LAMA3: variants seen among roughly 807,000 people sequenced by gnomAD.
The protein encoded by LAMA3 is laminin subunit alpha-3.
In LAMA3, 281 loss-of-function variants were observed where a neutral mutation model predicts 402.0. That is an observed-to-expected ratio of 0.70 (90% CI 0.63 to 0.77). The LOEUF (loss-of-function observed/expected upper bound fraction) is 0.77, where lower values mean the gene tolerates loss of function less well. Among genes scored for constraint, LAMA3 ranks in the 30% least tolerant of loss-of-function variants. The pLI is 0.00. For missense variants in LAMA3, 3,840 were observed against 4,215.5 expected (o/e 0.91, Z 2.47); for synonymous variants, 1,431 against 1,558.4 (o/e 0.92, Z 1.93).
intron 12 of LAMA3, among the ~76,000 whole-genome samples, chr18:23,803,048 C>A (rs550354034): frequency 6.6e-6 from 1 of 152,120 alleles, no homozygotes; most frequent in African/African-American, 2.4e-5. Flanking sequence ...TGTTGTGAAG[C>A]GAGTTCTTTG....
chr18:23,786,570 C>T (rs1254384355), intron 12 of LAMA3, among the ~76,000 whole-genome samples: 1 of 152,180 alleles, frequency 6.6e-6, no homozygotes, highest in Non-Finnish European at 1.5e-5. Context: ...GCCACCTCCA[C>T]CTGTGTCCAC....
intron 25 of LAMA3, 101 bp downstream of exon 25, chr18:23,837,190 A>G (rs937662344): frequency 1.3e-6 from 1 of 762,970 alleles, no homozygotes; most frequent in African/African-American, 1.7e-5. Flanking sequence ...TTACTCCTAT[A>G]ATCTGTGAAG....
intron 44 of LAMA3, chr18:23,898,307 C>A (rs1187325933): frequency 5.5e-6 from 1 of 182,356 alleles, no homozygotes; most frequent in Non-Finnish European, 1.2e-5. Flanking sequence ...TCTGAGTTCC[C>A]TGTGGTTCTG....
intron 12 of LAMA3, 89 bp from the exon 13 acceptor site, chr18:23,810,277 T>A: frequency 6.6e-7 from 1 of 1,510,278 alleles, no homozygotes; most frequent in Non-Finnish European, 9.2e-7. Context: ...TCTTTCTGGC[T>A]CCACCCTCAT....
intron 12 of LAMA3, among the ~76,000 whole-genome samples, chr18:23,790,932 A>G (rs1380707422): frequency 6.6e-6 from 1 of 151,004 alleles, no homozygotes; most frequent in Non-Finnish European, 1.5e-5. Flanking sequence ...TCTGTCACCC[A>G]GGCTGGAGTG....
At chr18:23,758,139 A>G (rs1164318223) in intron 6 of LAMA3, among the ~76,000 whole-genome samples, 1 of 152,218 alleles carries the variant, frequency 6.6e-6, no homozygotes, top group African/African-American at 2.4e-5. Flanking sequence ...CTGGCTCTCC[A>G]TTTATCACTG....
chr18:23,761,996 C>T (rs1302894334), intron 7 of LAMA3, among the ~76,000 whole-genome samples: 6 of 152,046 alleles, frequency 3.9e-5, no homozygotes, highest in Non-Finnish European at 5.9e-5. Context: ...GCAGGAGGAT[C>T]GCTTGAGCCC....
chr18:23,935,398 G>T (rs910605260), intron 67 of LAMA3, among the ~76,000 whole-genome samples: 1 of 152,256 alleles, frequency 6.6e-6, no homozygotes, highest in Non-Finnish European at 1.5e-5. Flanking sequence ...AGCAGATAGG[G>T]TGGGACTGGG....
At chr18:23,692,002 G>A (rs2060597271) in intron 1 of LAMA3, among the ~76,000 whole-genome samples, 2 of 152,334 alleles carry the variant, frequency 1.3e-5, no homozygotes, top group South Asian at 4.1e-4. Context: ...AAGTGGAAAT[G>A]TAGAACCCCT....
intron 1 of LAMA3, chr18:23,710,276 C>T (rs1296079370): frequency 3.7e-6 from 2 of 541,474 alleles, no homozygotes; most frequent in South Asian, 2.0e-5. Flanking sequence ...CCTTCTTCGC[C>T]TTCGGCGCCA....
chr18:23,845,625 T>C (rs1282992150), intron 30 of LAMA3, among the ~76,000 whole-genome samples: 2 of 152,186 alleles, frequency 1.3e-5, no homozygotes, highest in African/African-American at 2.4e-5. Context: ...TTCTCTTCTG[T>C]GGACCCACCC....
intron 41 of LAMA3, 46 bp from the exon 42 acceptor site, chr18:23,889,965 C>T (rs759473847): frequency 1.6e-5 from 23 of 1,420,276 alleles, no homozygotes; most frequent in South Asian, 2.3e-5. Context: ...TTGAGATAAA[C>T]GATGAGTTAT....
intron 74 of LAMA3, among the ~76,000 whole-genome samples, chr18:23,953,338 G>GT (rs1169151185): frequency 2.7e-3 from 287 of 104,534 alleles, no homozygotes; most frequent in Non-Finnish European, 3.9e-3. Flanking sequence ...TTTTTTTTTT[G>GT]TTTTTTTTTT....
chr18:23,752,828 A>G (rs2061776738), intron 5 of LAMA3, among the ~76,000 whole-genome samples: 2 of 152,204 alleles, frequency 1.3e-5, no homozygotes, highest in South Asian at 2.1e-4. Flanking sequence ...AACAACAACA[A>G]TAAAGGGACA....
intron 67 of LAMA3, among the ~76,000 whole-genome samples, chr18:23,936,246 T>TA (rs1247694230): frequency 6.6e-6 from 1 of 151,460 alleles, no homozygotes; most frequent in Non-Finnish European, 1.5e-5. Flanking sequence ...TATATATATA[T>TA]TTTTTATTAT....
At chr18:23,912,993 TC>T (rs2081486697) in intron 56 of LAMA3, 112 bp downstream of exon 56, 1 of 1,016,818 alleles carries the variant, frequency 9.8e-7, no homozygotes, top group African/African-American at 1.6e-5. Flanking sequence ...CAGGCAGAAA[TC>T]CTACTGAGAC....
At chr18:23,694,319 T>G (rs2060645569) in intron 1 of LAMA3, among the ~76,000 whole-genome samples, 1 of 152,174 alleles carries the variant, frequency 6.6e-6, no homozygotes, top group South Asian at 2.1e-4. Flanking sequence ...CCATATACTG[T>G]GCATACTGTG....
intron 11 of LAMA3, among the ~76,000 whole-genome samples, chr18:23,782,811 T>C (rs1386967123): frequency 6.6e-6 from 1 of 151,310 alleles, no homozygotes; most frequent in African/African-American, 2.4e-5. Flanking sequence ...TTTTTTTTTT[T>C]CATCTATAAA....
intron 8 of LAMA3, among the ~76,000 whole-genome samples, chr18:23,767,383 CA>C (rs201258574): frequency 6.6e-6 from 1 of 151,698 alleles, no homozygotes; most frequent in South Asian, 2.1e-4. Context: ...CAGAAGAAAC[CA>C]AAAAAAGAGC....
Sources: gnomAD v4.1 joint callset for allele counts (sites outside exome capture counted in the v4.1 genomes callset) on GRCh38, gnomAD v4.1.1 for gene constraint, MANE v1.5 for transcripts, NCBI Gene and HGNC (gene_info 2026-07-23, HGNC 2026-07-21) for gene names.